DLG2: variants seen among roughly 807,000 people sequenced by gnomAD.
DLG2 encodes discs large MAGUK scaffold protein 2, also known as disks large homolog 2.
A neutral mutation model predicts 132.5 loss-of-function variants in DLG2; 45 were observed. The observed-to-expected ratio is 0.34, with a 90% CI of 0.27 to 0.44. DLG2 has a LOEUF of 0.44. Ranked by LOEUF, DLG2 falls within the 20% of genes least tolerant of loss-of-function variation. The pLI is 1.00. For synonymous variants in DLG2, 424 were observed against 419.6 expected, an observed-to-expected ratio of 1.01 and a Z score of -0.13; for missense variants, 1,045 against 1,196.9, an observed-to-expected ratio of 0.87 and a Z score of 1.87.
chr11:84,935,249 A>T, intron 6 of DLG2, among the ~76,000 whole-genome samples: 1 of 152,282 alleles, frequency 6.6e-6, no homozygotes, highest in Middle Eastern at 3.4e-3. Flanking sequence ...GTTTTCCTTA[A>T]ATATATTCTT....
intron 6 of DLG2, among the ~76,000 whole-genome samples, chr11:84,913,005 A>G (rs2092213788): frequency 1.3e-5 from 2 of 152,208 alleles, no homozygotes; most frequent in Non-Finnish European, 2.9e-5. Context: ...ACACAGTGAG[A>G]AAAAATGAGA....
intron 19 of DLG2, among the ~76,000 whole-genome samples, chr11:83,628,120 T>C (rs1206356790): frequency 6.6e-6 from 1 of 152,216 alleles, no homozygotes; most frequent in Non-Finnish European, 1.5e-5. Context: ...ATTAGCCCTT[T>C]GTCAGATGAG....
chr11:83,606,585 T>C (rs1822260002), intron 19 of DLG2, among the ~76,000 whole-genome samples: 1 of 151,942 alleles, frequency 6.6e-6, no homozygotes, highest in African/African-American at 2.4e-5. Flanking sequence ...TGACCTCTGT[T>C]TAAAGGAATA....
At chr11:83,553,924 C>G (rs1405991338) in intron 19 of DLG2, among the ~76,000 whole-genome samples, 1 of 132,742 alleles carries the variant, frequency 7.5e-6, no homozygotes, top group African/African-American at 2.9e-5. Context: ...GTGGGATAGT[C>G]TCGCTCAGTC....
At chr11:84,408,504 G>C (rs1273929770) in intron 7 of DLG2, among the ~76,000 whole-genome samples, 1 of 152,098 alleles carries the variant, frequency 6.6e-6, no homozygotes, top group East Asian at 1.9e-4. Context: ...TTGGGACTCA[G>C]GGTTGCATTA....
intron 2 of DLG2, among the ~76,000 whole-genome samples, chr11:85,614,221 C>A (rs2081192873): frequency 6.6e-6 from 1 of 151,904 alleles, no homozygotes; most frequent in African/African-American, 2.4e-5. Flanking sequence ...ATGCTTAATT[C>A]TTATTGTTGA....
intron 18 of DLG2, among the ~76,000 whole-genome samples, chr11:83,698,044 T>C (rs1005780153): frequency 6.6e-6 from 1 of 152,234 alleles, no homozygotes; most frequent in Non-Finnish European, 1.5e-5. Context: ...CACTAGCTGC[T>C]ACAAACTTGG....
At chr11:84,697,584 C>G (rs2058746491) in intron 6 of DLG2, among the ~76,000 whole-genome samples, 1 of 151,468 alleles carries the variant, frequency 6.6e-6, no homozygotes, top group Non-Finnish European at 1.5e-5. Context: ...ACACACTGAG[C>G]CACGAAGTGT....
At chr11:83,802,768 A>G (rs2044803107) in intron 17 of DLG2, among the ~76,000 whole-genome samples, 1 of 152,146 alleles carries the variant, frequency 6.6e-6, no homozygotes, top group African/African-American at 2.4e-5. Context: ...CTGTAGAACT[A>G]TATGTGTATC....
At chr11:83,749,657 T>C (rs1417153633) in intron 18 of DLG2, among the ~76,000 whole-genome samples, 1 of 152,170 alleles carries the variant, frequency 6.6e-6, no homozygotes, top group Non-Finnish European at 1.5e-5. Context: ...AATGCATCTC[T>C]AAGATGCAAT....
At chr11:84,835,324 C>T (rs1388208186) in intron 6 of DLG2, among the ~76,000 whole-genome samples, 1 of 151,634 alleles carries the variant, frequency 6.6e-6, no homozygotes, top group Non-Finnish European at 1.5e-5. Context: ...GACAGACCTA[C>T]ATTTTAATCT....
At chr11:84,852,302 C>T (rs1228221179) in intron 6 of DLG2, among the ~76,000 whole-genome samples, 1 of 151,966 alleles carries the variant, frequency 6.6e-6, no homozygotes, top group Non-Finnish European at 1.5e-5. Context: ...AAGGAAAGTG[C>T]ACCAGATGAT....
chr11:85,092,071 G>A (rs1395016728), intron 6 of DLG2, among the ~76,000 whole-genome samples: 1 of 152,178 alleles, frequency 6.6e-6, no homozygotes, highest in Non-Finnish European at 1.5e-5. Context: ...AATAAGACTT[G>A]AAAATTAAAA....
intron 6 of DLG2, among the ~76,000 whole-genome samples, chr11:85,107,661 T>C (rs762744156): frequency 2.6e-5 from 4 of 151,950 alleles, no homozygotes; most frequent in African/African-American, 4.8e-5. Flanking sequence ...AGCTACTGTG[T>C]TCATATTCAT....
At chr11:83,673,758 T>C (rs2077235146) in intron 18 of DLG2, among the ~76,000 whole-genome samples, 1 of 152,258 alleles carries the variant, frequency 6.6e-6, no homozygotes, top group East Asian at 1.9e-4. Flanking sequence ...TTCTCCTCTA[T>C]TTTTATAGTG....
intron 15 of DLG2, among the ~76,000 whole-genome samples, chr11:83,927,061 T>C (rs1465501771): frequency 1.3e-5 from 2 of 152,172 alleles, no homozygotes; most frequent in Non-Finnish European, 2.9e-5. Flanking sequence ...GATTCATTCA[T>C]TCATGGAGTA....
At chr11:84,788,183 G>C (rs1421531644) in intron 6 of DLG2, among the ~76,000 whole-genome samples, 6 of 148,398 alleles carry the variant, frequency 4.0e-5, no homozygotes, top group African/African-American at 1.5e-4. Flanking sequence ...GGACAAAGTA[G>C]CCAGCAGGTA....
intron 3 of DLG2, among the ~76,000 whole-genome samples, chr11:85,524,491 T>C (rs1187132728): frequency 6.8e-6 from 1 of 147,152 alleles, no homozygotes; most frequent in African/African-American, 2.5e-5. Context: ...AGAACTTCTC[T>C]AATTTTATTT....
At position 83,512,254 on chromosome 11, in the gene DLG2, G is replaced by A. The variant is rs147921014; in HGVS notation, c.2193+20454C>T. Reference sequence around the variant, plus strand: ...CAATCCTGTGTGACTGAGCAATGGTGAGAAGCTGCACTGATAAAGAGTAGG... The same window carrying A: ...CAATCCTGTGTGACTGAGCAATGGTAAGAAGCTGCACTGATAAAGAGTAGG... On this transcript the variant is annotated intron_variant, in intron 21 of 27. Coordinates refer to ENST00000376104, the MANE Select transcript of DLG2 (RefSeq NM_001142699.3). Among the ~76,000 whole-genome samples the A allele has an allele frequency of 2.3e-3, 351 of 152,312 alleles. 5 individuals are homozygous for A. Among genetic ancestry groups the A allele is most frequent in the African/African-American group, 7.9e-3 (328 of 41,570 alleles).
Sources: gnomAD v4.1 joint callset for allele counts (sites outside exome capture counted in the v4.1 genomes callset) on GRCh38, gnomAD v4.1.1 for gene constraint, MANE v1.5 for transcripts, NCBI Gene and HGNC (gene_info 2026-07-23, HGNC 2026-07-21) for gene names.